Variants in BROX observed in about 807,000 individuals in gnomAD.
BROX encodes the protein BRO1 domain and CAAX motif containing, also known as BRO1 domain-containing protein BROX.
In BROX, 53 loss-of-function variants were observed where a neutral mutation model predicts 61.0. The ratio of observed to expected loss-of-function variants is 0.87; its 90% confidence interval spans 0.70 to 1.09. The LOEUF is 1.09. Among genes scored for constraint, BROX ranks in the 50% least tolerant of loss-of-function variants. The probability of loss-of-function intolerance (pLI) is 0.00; values close to 1 mark genes in which losing one functional copy is unlikely to be tolerated. For missense variants in BROX, 489 were observed against 472.0 expected, an observed-to-expected ratio of 1.04 and a Z score of -0.33; for synonymous variants, 152 against 160.2, an observed-to-expected ratio of 0.95 and a Z score of 0.38.
At chr1:222,732,125 C>G (rs139999538) in intron 12 of BROX, among the ~76,000 whole-genome samples, 2 of 152,152 alleles carry the variant, frequency 1.3e-5, no homozygotes, top group East Asian at 3.9e-4. Context: ...AAATAACTAT[C>G]TTTATATTCT....
chr1:222,712,757 G>T lies in BROX; in HGVS notation c.-202G>T, dbSNP rs1444164867. On this transcript the variant is annotated 5_prime_UTR_variant, in exon 1 of 13. Coordinates refer to ENST00000340934, the MANE Select transcript of BROX (RefSeq NM_144695.4). ...GGCAATACCCGCCCCTGAGCTGCGC[G>T]CACTACCGCCTCGGTAGCTATCATG... 1 of 1,289,866 alleles carries T rather than the reference G, an allele frequency of 7.8e-7. No homozygotes were observed. 79.9% of individuals were successfully genotyped at this position (1,289,866 alleles called of 1,614,324 possible).
chr1:222,722,440 T>G lies in BROX; in HGVS notation c.327T>G (p.Phe109Leu). 2.5e-6 allele frequency: 4 copies of G among 1,613,428 alleles called. No homozygotes were observed. The highest frequency in any genetic ancestry group is 3.4e-6 in the Non-Finnish European group (4 of 1,179,504). The change falls in exon 5 of 13, where the codon TTT (phenylalanine) becomes TTG (leucine). Residue 109 changes from phenylalanine (F) to leucine (L), a missense_variant. Coordinates refer to ENST00000340934, the MANE Select transcript of BROX (RefSeq NM_144695.4). ...CCAGTGCCCAGCAGGATGCTGTTTTTGAATTAATTTCCATGGGATTTAATG... is the reference window on the plus strand; with the variant it reads ...CCAGTGCCCAGCAGGATGCTGTTTTGGAATTAATTTCCATGGGATTTAATG... ...QVPSAQQDAV[F>L]ELISMGFNVA... is the part of the protein sequence containing the mutation.
In BROX at chr1:222,715,734, C is replaced by A; in HGVS notation, c.35C>A (p.Ala12Asp). 1 of 1,588,808 alleles carries A rather than the reference C, an allele frequency of 6.3e-7. No homozygotes were observed. The highest frequency in any genetic ancestry group is 8.6e-7 in the Non-Finnish European group (1 of 1,166,158). Residue 12 changes from alanine to aspartate, a missense_variant, in exon 2 of 13, where the codon GCC becomes GAC. Coordinates refer to ENST00000340934, the MANE Select transcript of BROX (RefSeq NM_144695.4). ...TGGTTTCATAGGAACCCATTAAAAG[C>A]CACAGCTCCTGTGTCTTTTAATTAC... is the stretch of plus-strand genomic sequence containing the variant. ...THWFHRNPLK[A>D]TAPVSFNYYG... is the part of the protein sequence containing the mutation.
chr1:222,729,599 A>C, intron 9 of BROX, 21 bp from the exon 10 acceptor site: 2 of 1,596,700 alleles, frequency 1.3e-6, no homozygotes, highest in Non-Finnish European at 1.7e-6. Context: ...GAATGAATAA[A>C]AAATTTGTTT....
At chr1:222,717,413 A>G (rs1312747924) in intron 2 of BROX, among the ~76,000 whole-genome samples, 1 of 152,218 alleles carries the variant, frequency 6.6e-6, no homozygotes, top group African/African-American at 2.4e-5. Flanking sequence ...TATCTGAGGT[A>G]CATTTTTCTC....
At chr1:222,725,660 AG>A (rs1450009428) in intron 7 of BROX, 105 bp downstream of exon 7, 4 of 868,488 alleles carry the variant, frequency 4.6e-6, no homozygotes, top group Non-Finnish European at 6.8e-6. Flanking sequence ...ATGTAGTCCC[AG>A]CACTTTGGGA....
intron 7 of BROX, among the ~76,000 whole-genome samples, chr1:222,726,085 T>C (rs17532708): frequency 0.55 from 84,095 of 152,168 alleles, 25,751 homozygotes; most frequent in Non-Finnish European, 0.68. Flanking sequence ...TTTCATGTTA[T>C]TTCTGATAGT....
chr1:222,724,191 T>C, intron 6 of BROX, 27 bp downstream of exon 6: 1 of 1,555,974 alleles, frequency 6.4e-7, no homozygotes, highest in Non-Finnish European at 8.8e-7. Flanking sequence ...AAAACCATTA[T>C]TTGTTCTTAA....
intron 5 of BROX, among the ~76,000 whole-genome samples, 180 bp from the exon 6 acceptor site, chr1:222,723,912 G>A (rs964326438): frequency 2.0e-5 from 3 of 152,150 alleles, no homozygotes; most frequent in Non-Finnish European, 4.4e-5. Flanking sequence ...GCCCGTCTCG[G>A]CCTCCCAAAG....
intron 2 of BROX, among the ~76,000 whole-genome samples, chr1:222,716,258 C>T (rs952380844): frequency 2.2e-4 from 34 of 152,028 alleles, no homozygotes; most frequent in African/African-American, 8.0e-4. Flanking sequence ...GCCACCACGC[C>T]CTGGTCATTT....
chr1:222,723,815 A>G (rs939682151), intron 5 of BROX, among the ~76,000 whole-genome samples: 3 of 152,002 alleles, frequency 2.0e-5, no homozygotes, highest in Non-Finnish European at 2.9e-5. Context: ...AGTAGCTGGG[A>G]TTACAGGTGC....
chr1:222,726,723 A>G (rs1324677820), intron 7 of BROX, among the ~76,000 whole-genome samples: 1 of 152,094 alleles, frequency 6.6e-6, no homozygotes, highest in Admixed American at 6.6e-5. Context: ...ATCTCAAAAA[A>G]AAAAAAAAGA....
chr1:222,713,853 A>G (rs1656300374), intron 1 of BROX: 1 of 152,066 alleles, frequency 6.6e-6, no homozygotes, highest in Non-Finnish European at 1.5e-5. Context: ...TTCTGAAATA[A>G]CTCGTTAAAT....
chr1:222,724,292 C>T (rs1179834833), intron 6 of BROX, 128 bp downstream of exon 6: 21 of 744,928 alleles, frequency 2.8e-5, no homozygotes, highest in Admixed American at 3.2e-5. Flanking sequence ...GTTCTGTTTT[C>T]CTTATGTTAA....
chr1:222,725,453 A>G lies in BROX; in HGVS notation c.478A>G (p.Ser160Gly). The G allele has an allele frequency of 6.3e-7, 1 of 1,592,248 alleles. No individual in the cohort carries two copies. The highest frequency in any genetic ancestry group is 8.5e-7 in the Non-Finnish European group (1 of 1,172,276). ...AAGIFKHLKE[S>G]HLPKLITPAE... ...TCTTTTTTGTTGTTGTTCTCAGGAAAGTCATCTCCCAAAACTCATTACACC... is the reference window on the plus strand; with the variant it reads ...TCTTTTTTGTTGTTGTTCTCAGGAAGGTCATCTCCCAAAACTCATTACACC... The change falls in exon 7 of 13, where the codon AGT becomes GGT. Residue 160 changes from serine to glycine, a missense_variant. Coordinates refer to ENST00000340934, the MANE Select transcript of BROX (RefSeq NM_144695.4).
chr1:222,722,588 C>A, intron 5 of BROX, 74 bp downstream of exon 5: 1 of 1,091,118 alleles, frequency 9.2e-7, no homozygotes, highest in Non-Finnish European at 1.3e-6. Context: ...TTTTAAAAAT[C>A]TATTTTAAAA....
chr1:222,722,041 TATA>T (rs1416719778), intron 4 of BROX, among the ~76,000 whole-genome samples: 1 of 152,196 alleles, frequency 6.6e-6, no homozygotes, highest in Non-Finnish European at 1.5e-5. Flanking sequence ...TAAAATGTTG[TATA>T]AGAGCCACAC....
chr1:222,715,061 A>G (rs960849446), intron 1 of BROX: 4 of 152,250 alleles, frequency 2.6e-5, no homozygotes, highest in East Asian at 1.9e-4. Flanking sequence ...TATTACAAGT[A>G]GCCTTAGCGA....
At chr1:222,728,978 AC>A in intron 9 of BROX, 150 bp downstream of exon 9, 3 of 507,484 alleles carry the variant, frequency 5.9e-6, no homozygotes, top group Non-Finnish European at 1.1e-5. Flanking sequence ...AGTCAGTGCA[AC>A]CATTGTGAAC....
Sources: allele counts gnomAD v4.1 joint callset (sites outside exome capture counted in the v4.1 genomes callset), GRCh38; gene constraint gnomAD v4.1.1; transcripts MANE v1.5; gene names NCBI Gene and HGNC (gene_info 2026-07-23, HGNC 2026-07-21).